SORCS1: variants seen among roughly 807,000 people sequenced by gnomAD.
SORCS1 encodes the protein sortilin related VPS10 domain containing receptor 1, also known as VPS10 domain-containing receptor SorCS1.
In SORCS1, 60 loss-of-function variants were observed where a neutral mutation model predicts 146.1. The observed-to-expected ratio is 0.41, with a 90% CI of 0.33 to 0.51. SORCS1 has a LOEUF of 0.51. Among genes scored for constraint, SORCS1 ranks in the 20% least tolerant of loss-of-function variants. The pLI, the probability that SORCS1 is intolerant of heterozygous loss-of-function variation, is 0.21. For synonymous variants in SORCS1, 637 were observed against 584.0 expected (o/e 1.09, Z -1.31); for missense variants, 1,352 against 1,487.6 (o/e 0.91, Z 1.50).
intron 1 of SORCS1, among the ~76,000 whole-genome samples, chr10:106,969,301 G>T (rs998312295): frequency 2.0e-5 from 3 of 152,166 alleles, no homozygotes; most frequent in Non-Finnish European, 2.9e-5. Flanking sequence ...GAAGGGACTG[G>T]AAAGATTATC....
chr10:106,682,712 C>G (rs1852533265), intron 10 of SORCS1, among the ~76,000 whole-genome samples: 1 of 152,216 alleles, frequency 6.6e-6, no homozygotes, highest in Admixed American at 6.5e-5. Flanking sequence ...CTTCTGCCTT[C>G]TTTTCTCTCA....
chr10:106,893,972 T>G (rs945987287), intron 2 of SORCS1, among the ~76,000 whole-genome samples: 2 of 152,188 alleles, frequency 1.3e-5, no homozygotes, highest in Admixed American at 1.3e-4. Flanking sequence ...AGAGATGGAC[T>G]TTCAACTACT....
intron 1 of SORCS1, among the ~76,000 whole-genome samples, chr10:106,957,737 T>C (rs1955032285): frequency 6.6e-6 from 1 of 152,176 alleles, no homozygotes; most frequent in South Asian, 2.1e-4. Context: ...AATTGTGGAA[T>C]GCTAAATTTA....
Position 106,629,280 on chromosome 10 carries a change from C to A in SORCS1, c.2584G>T (p.Val862Leu). 1 of 1,614,160 alleles carries A rather than the reference C, an allele frequency of 6.2e-7. No homozygotes were observed. The highest frequency in any genetic ancestry group is 8.5e-7 in the Non-Finnish European group (1 of 1,180,010). Reference sequence around the variant, plus strand: ...TGCACGGTCACACGGAAAATGCCCACGTTCTGATAGACGTGTTTGATCCCA... The same window carrying A: ...TGCACGGTCACACGGAAAATGCCCAAGTTCTGATAGACGTGTTTGATCCCA... ...EDGIKHVYQN[V>L]GIFRVTVQVD... The change falls in exon 19 of 26, where the codon GTG (valine) becomes TTG (leucine). Residue 862 changes from valine (V) to leucine (L), a missense_variant. Physicochemically the swap from Val to Leu is conservative, Grantham distance 32. This residue lies in a region of SORCS1 where 648 missense variants were observed against 793.8 expected (regional missense o/e 0.82). Transcript: ENST00000263054.
chr10:106,859,322 G>T (rs967744061), intron 2 of SORCS1, among the ~76,000 whole-genome samples: 2 of 152,194 alleles, frequency 1.3e-5, no homozygotes, highest in African/African-American at 2.4e-5. Context: ...GGCAGGGATA[G>T]ACAATAATTT....
At chr10:106,669,726 G>A (rs1204323064) in intron 16 of SORCS1, among the ~76,000 whole-genome samples, 1 of 152,220 alleles carries the variant, frequency 6.6e-6, no homozygotes, top group African/African-American at 2.4e-5. Flanking sequence ...GAGCTCCAAT[G>A]TAACTGAAGC....
rs1405577153 is a variant in SORCS1, at chr10:106,576,430, G to C, written c.*990C>G. 1 of 152,234 alleles carries C rather than the reference G, an allele frequency of 6.6e-6. No individual in the cohort carries two copies. Among genetic ancestry groups the C allele is most frequent in the East Asian group, 1.9e-4 (1 of 5,202 alleles). 9.4% of individuals were successfully genotyped at this position (152,234 alleles called of 1,614,324 possible). A position where few individuals can be genotyped will look rare whatever the true frequency, so the allele number is the denominator to read the frequency against. On this transcript the variant is annotated 3_prime_UTR_variant, in exon 26 of 26. Coordinates refer to ENST00000263054, the MANE Select transcript of SORCS1 (RefSeq NM_052918.5). ...GGGAAGAGATTCAAAGATATCAACA[G>C]ATCATGGTCACACATGGATGACAAA...
intron 23 of SORCS1, among the ~76,000 whole-genome samples, chr10:106,600,887 G>T (rs1846197100): frequency 6.6e-6 from 1 of 152,178 alleles, no homozygotes; most frequent in Non-Finnish European, 1.5e-5. Context: ...CGTCTGGCAG[G>T]ATAGGTTTAT....
chr10:106,956,145 G>C (rs567601034), intron 2 of SORCS1, among the ~76,000 whole-genome samples: 1 of 147,080 alleles, frequency 6.8e-6, no homozygotes, highest in African/African-American at 2.6e-5. Context: ...AAAAAAAAAA[G>C]TTTCCCTGGT....
At chr10:107,035,940 T>C (rs991274695) in intron 1 of SORCS1, among the ~76,000 whole-genome samples, 2 of 148,950 alleles carry the variant, frequency 1.3e-5, no homozygotes, top group African/African-American at 4.9e-5. Context: ...ATAACATATA[T>C]ATAATATATA....
chr10:106,778,748 A>C (rs1332374433), intron 3 of SORCS1, among the ~76,000 whole-genome samples: 1 of 152,170 alleles, frequency 6.6e-6, no homozygotes, highest in Non-Finnish European at 1.5e-5. Context: ...ATTTTATAGA[A>C]CATCTATTGT....
chr10:106,758,542 T>C (rs577692183), intron 5 of SORCS1, among the ~76,000 whole-genome samples: 5 of 152,284 alleles, frequency 3.3e-5, no homozygotes, highest in Non-Finnish European at 7.4e-5. Flanking sequence ...CAGGATAAAC[T>C]AGGGGGACAA....
chr10:107,033,925 G>A (rs1432403590), intron 1 of SORCS1, among the ~76,000 whole-genome samples: 6 of 152,180 alleles, frequency 3.9e-5, no homozygotes, highest in Non-Finnish European at 7.3e-5. Flanking sequence ...GAAATACAGC[G>A]TTAAGCAAGG....
At chr10:106,706,788 A>C (rs551864688) in intron 7 of SORCS1, among the ~76,000 whole-genome samples, 154 bp from the exon 8 acceptor site, 1 of 152,352 alleles carries the variant, frequency 6.6e-6, no homozygotes, top group Non-Finnish European at 1.5e-5. Context: ...CTTCAGTTCA[A>C]ACACAACTTA....
At chr10:107,079,720 A>C (rs1963178679) in intron 1 of SORCS1, among the ~76,000 whole-genome samples, 1 of 152,194 alleles carries the variant, frequency 6.6e-6, no homozygotes, top group African/African-American at 2.4e-5. Context: ...GAGTGAGTCA[A>C]TCAATCTGAC....
intron 2 of SORCS1, among the ~76,000 whole-genome samples, chr10:106,881,057 A>G (rs1053007015): frequency 6.8e-6 from 1 of 146,310 alleles, no homozygotes; most frequent in South Asian, 2.2e-4. Context: ...AGCCTGGGCA[A>G]CAGAGCAAGA....
chr10:106,995,608 G>T (rs562222063), intron 1 of SORCS1, among the ~76,000 whole-genome samples: 1 of 152,112 alleles, frequency 6.6e-6, no homozygotes, highest in South Asian at 2.1e-4. Flanking sequence ...AAAGTTATCC[G>T]AAGTGTTGCT....
rs936285159 is a variant in SORCS1 at position 106,597,370 on chromosome 10, A to C, written c.3246T>G (p.His1082Gln). ...ELKPGVRVLV[H>Q]AAHLTAAPLV... The stretch of plus-strand genomic sequence containing the variant: ...ACTGACCCGCTGTTAAGTGAGCAGC[A>C]TGGACAAGGACTCGGACTCCTGGCT... The change falls in exon 24 of 26, where the codon CAT becomes CAG. Residue 1082 changes from histidine to glutamine, a missense_variant. Physicochemically the swap from His to Gln is conservative, Grantham distance 24 (BLOSUM62 0). Transcript: ENST00000263054. 2 of 1,614,000 alleles carry C rather than the reference A, an allele frequency of 1.2e-6. No individual in the cohort carries two copies. The highest frequency in any genetic ancestry group is 2.7e-5 in the African/African-American group (2 of 75,066).
intron 1 of SORCS1, among the ~76,000 whole-genome samples, chr10:107,108,716 C>T (rs964968786): frequency 3.3e-5 from 5 of 152,128 alleles, no homozygotes; most frequent in Non-Finnish European, 7.4e-5. Flanking sequence ...AACAGTCCCC[C>T]CGTCTTAACT....
Sources: allele counts gnomAD v4.1 joint callset (sites outside exome capture counted in the v4.1 genomes callset), GRCh38; gene constraint gnomAD v4.1.1; regional missense constraint gnomAD v4.1.1; transcripts MANE v1.5; gene names NCBI Gene and HGNC (gene_info 2026-07-23, HGNC 2026-07-21).